Variants in KLF12 observed in about 807,000 individuals in gnomAD.
KLF12 encodes Krueppel-like factor 12.
Under a neutral mutation model 37.8 loss-of-function variants are expected in KLF12, and 9 were observed. The observed-to-expected ratio is 0.24, with a 90% CI of 0.14 to 0.42. The LOEUF (loss-of-function observed/expected upper bound fraction) is 0.42, where lower values mean the gene tolerates loss of function less well. Ranked by LOEUF, KLF12 falls within the 10% of genes least tolerant of loss-of-function variation. The pLI is 1.00. For synonymous variants in KLF12, 208 were observed against 202.1 expected, an observed-to-expected ratio of 1.03 and a Z score of -0.25; for missense variants, 411 against 516.0, an observed-to-expected ratio of 0.80 and a Z score of 1.97.
the KLF12 span, among the ~76,000 whole-genome samples, chr13:74,225,412 A>G: frequency 6.6e-6 from 1 of 152,160 alleles, no homozygotes; most frequent in African/African-American, 2.4e-5. Flanking sequence ...TTCTTTCAAA[A>G]TATTCCTTGC....
intron 5 of KLF12, chr13:73,800,466 T>C (rs1882226628): frequency 6.6e-6 from 1 of 152,114 alleles, no homozygotes; most frequent in African/African-American, 2.4e-5. Flanking sequence ...ATTGCTTCTA[T>C]AAGCAACAGT....
At chr13:73,697,680 C>T (rs1477693861) in intron 7 of KLF12, among the ~76,000 whole-genome samples, 1 of 151,954 alleles carries the variant, frequency 6.6e-6, no homozygotes, top group Non-Finnish European at 1.5e-5. Flanking sequence ...TTGAGCTGAG[C>T]TAGTTGGATG....
At chr13:73,897,682 T>C (rs1328972819) in intron 3 of KLF12, among the ~76,000 whole-genome samples, 1 of 152,240 alleles carries the variant, frequency 6.6e-6, no homozygotes, top group Non-Finnish European at 1.5e-5. Context: ...GCCACCATCA[T>C]ATATCACACC....
At chr13:73,785,753 C>T (rs1388850299) in intron 5 of KLF12, among the ~76,000 whole-genome samples, 3 of 152,088 alleles carry the variant, frequency 2.0e-5, no homozygotes, top group Non-Finnish European at 4.4e-5. Flanking sequence ...TTATTTTTGA[C>T]TGCTATTGCA....
At chr13:74,282,557 C>T in the KLF12 span, among the ~76,000 whole-genome samples, 1 of 152,114 alleles carries the variant, frequency 6.6e-6, no homozygotes, top group Non-Finnish European at 1.5e-5. Context: ...CTTTTCACAC[C>T]AGCATGGTCT....
intron 1 of KLF12, among the ~76,000 whole-genome samples, chr13:74,108,713 G>T (rs1876803305): frequency 6.6e-6 from 1 of 152,054 alleles, no homozygotes. Context: ...CTAGAGAAAA[G>T]TTATTTAAAA....
chr13:73,958,020 C>T (rs368242860), intron 2 of KLF12, among the ~76,000 whole-genome samples: 11 of 152,144 alleles, frequency 7.2e-5, no homozygotes, highest in Admixed American at 1.3e-4. Context: ...CACTTCTTTT[C>T]GCACATGCAG....
intron 1 of KLF12, among the ~76,000 whole-genome samples, chr13:74,107,980 T>C (rs568379816): frequency 1.5e-4 from 23 of 152,218 alleles, no homozygotes; most frequent in African/African-American, 5.3e-4. Flanking sequence ...ACTGTACATA[T>C]GGTCCTTTAA....
At chr13:74,205,611 T>C in the KLF12 span, among the ~76,000 whole-genome samples, 1 of 152,210 alleles carries the variant, frequency 6.6e-6, no homozygotes, top group African/African-American at 2.4e-5. Context: ...ATATAGTTGA[T>C]GACTGACTTC....
intron 1 of KLF12, among the ~76,000 whole-genome samples, chr13:74,121,421 TAAAAG>T (rs1417898034): frequency 2.6e-5 from 4 of 151,774 alleles, no homozygotes; most frequent in East Asian, 1.9e-4. Context: ...ATGAATACAT[TAAAAG>T]AAAAGAAAAA....
At chr13:73,862,238 ACAT>A (rs1156450562) in intron 3 of KLF12, among the ~76,000 whole-genome samples, 1 of 152,182 alleles carries the variant, frequency 6.6e-6, no homozygotes, top group African/African-American at 2.4e-5. Context: ...TAGTTTTACA[ACAT>A]GTAAAGGGGA....
chr13:74,186,269 A>C, the KLF12 span, among the ~76,000 whole-genome samples: 1 of 152,222 alleles, frequency 6.6e-6, no homozygotes, highest in South Asian at 2.1e-4. Flanking sequence ...GTGTATTCTC[A>C]TTTTAGCTTA....
chr13:73,715,584 G>A (rs1162526247), intron 6 of KLF12, 59 bp from the exon 7 acceptor site: 6 of 1,542,982 alleles, frequency 3.9e-6, no homozygotes, highest in South Asian at 1.2e-5. Flanking sequence ...TTTTGGTTCT[G>A]GTGGCATGGG....
intron 3 of KLF12, among the ~76,000 whole-genome samples, chr13:73,898,952 T>C (rs1340652085): frequency 6.6e-6 from 1 of 151,892 alleles, no homozygotes; most frequent in Non-Finnish European, 1.5e-5. Context: ...GCTTGTACCC[T>C]ACAAAAGTTA....
intron 6 of KLF12, among the ~76,000 whole-genome samples, chr13:73,722,517 T>G (rs1876341950): frequency 6.6e-6 from 1 of 152,156 alleles, no homozygotes; most frequent in African/African-American, 2.4e-5. Flanking sequence ...GCAGCTACAT[T>G]CGGAGGTGGA....
intron 1 of KLF12, among the ~76,000 whole-genome samples, chr13:74,133,588 AAC>A (rs1013515304): frequency 6.6e-6 from 1 of 151,600 alleles, no homozygotes; most frequent in African/African-American, 2.4e-5. Context: ...CCCCTTTAAG[AAC>A]ACAGACCAAC....
chr13:73,981,964 G>A (rs1237472554), intron 2 of KLF12, among the ~76,000 whole-genome samples: 1 of 152,056 alleles, frequency 6.6e-6, no homozygotes, highest in Non-Finnish European at 1.5e-5. Flanking sequence ...AAAAAATACT[G>A]GAAACAATCT....
chr13:73,981,701 C>T (rs1012748167), intron 2 of KLF12, among the ~76,000 whole-genome samples: 1 of 152,182 alleles, frequency 6.6e-6, no homozygotes, highest in Non-Finnish European at 1.5e-5. Context: ...ATCCTAATCT[C>T]CACTGCAGTG....
intron 3 of KLF12, among the ~76,000 whole-genome samples, chr13:73,942,880 T>C (rs776186996): frequency 3.9e-5 from 6 of 152,180 alleles, no homozygotes; most frequent in Non-Finnish European, 7.4e-5. Flanking sequence ...AGAAATTATA[T>C]TGAGATGCCA....
Sources: gnomAD v4.1 joint callset for allele counts (sites outside exome capture counted in the v4.1 genomes callset) on GRCh38, gnomAD v4.1.1 for gene constraint, MANE v1.5 for transcripts, NCBI Gene and HGNC (gene_info 2026-07-23, HGNC 2026-07-21) for gene names.